SSH1: variants seen among roughly 807,000 people sequenced by gnomAD.
The protein encoded by SSH1 is slingshot protein phosphatase 1.
Under a neutral mutation model 79.7 loss-of-function variants are expected in SSH1, and 43 were observed. The ratio of observed to expected loss-of-function variants is 0.54; its 90% confidence interval spans 0.42 to 0.70. The LOEUF (loss-of-function observed/expected upper bound fraction) is 0.70, where lower values mean the gene tolerates loss of function less well. SSH1 is among the 30% of genes least tolerant of loss of function. The probability of loss-of-function intolerance (pLI) is 0.00; values close to 1 mark genes in which losing one functional copy is unlikely to be tolerated. For synonymous variants in SSH1, 599 were observed against 538.3 expected (o/e 1.11, Z -1.56); for missense variants, 1,206 against 1,358.8 (o/e 0.89, Z 1.77).
chr12:108,821,404 T>C (rs576848495), intron 3 of SSH1, among the ~76,000 whole-genome samples: 1 of 152,070 alleles, frequency 6.6e-6, no homozygotes, highest in African/African-American at 2.4e-5. Context: ...AAAAAAACTT[T>C]TCATATAATT....
intron 9 of SSH1, among the ~76,000 whole-genome samples, chr12:108,805,998 C>G (rs529781849): frequency 1.3e-5 from 2 of 152,196 alleles, no homozygotes; most frequent in East Asian, 3.9e-4. Context: ...ATCAATGCTT[C>G]TCGGTGCAGT....
chr12:108,833,382 A>G (rs1404616000), intron 2 of SSH1, among the ~76,000 whole-genome samples: 1 of 152,236 alleles, frequency 6.6e-6, no homozygotes, highest in Admixed American at 6.5e-5. Context: ...CAGCAAAGAC[A>G]GCCAAACACG....
At chr12:108,789,853 GTCTC>G (rs1035649620) in intron 14 of SSH1, among the ~76,000 whole-genome samples, 5 of 152,232 alleles carry the variant, frequency 3.3e-5, no homozygotes, top group African/African-American at 4.8e-5. Context: ...ACAGGGCTCT[GTCTC>G]TCTCTCTTTC....
rs1178182727 is a variant in SSH1, at chr12:108,786,421, A to G, written c.*1567T>C. The G allele has an allele frequency of 6.6e-6, 1 of 152,200 alleles. No individual in the cohort carries two copies. Among genetic ancestry groups the G allele is most frequent in the Non-Finnish European group, 1.5e-5 (1 of 68,086 alleles). The allele number at this position is 152,200 out of a possible 1,614,324, so 9.4% of individuals were successfully genotyped here. On this transcript the variant is annotated 3_prime_UTR_variant, in exon 15 of 15. Transcript: ENST00000326495. Reference sequence around the variant, plus strand: ...GTGTCAGAGAGGCAGAGGGCTTCACATTTACCCAGTTTCTTCCTACAGGGC... The same window carrying G: ...GTGTCAGAGAGGCAGAGGGCTTCACGTTTACCCAGTTTCTTCCTACAGGGC...
At chr12:108,821,205 G>A (rs188132885) in intron 3 of SSH1, among the ~76,000 whole-genome samples, 2 of 131,536 alleles carry the variant, frequency 1.5e-5, no homozygotes, top group East Asian at 5.4e-4. Context: ...CATAGTGAGT[G>A]AGACCTCATC....
intron 6 of SSH1, 133 bp downstream of exon 6, chr12:108,811,124 TATG>T: frequency 2.4e-6 from 2 of 830,798 alleles, no homozygotes. Context: ...TCGAGGGCAA[TATG>T]ATTTCTCCCG....
chr12:108,799,788 T>C (rs1036225538), intron 12 of SSH1, among the ~76,000 whole-genome samples: 2 of 152,134 alleles, frequency 1.3e-5, no homozygotes, highest in Admixed American at 6.5e-5. Context: ...CGTTTATTTG[T>C]AAGGAGGCAG....
At chr12:108,825,200 G>A (rs1032824853) in intron 2 of SSH1, among the ~76,000 whole-genome samples, 9 of 152,160 alleles carry the variant, frequency 5.9e-5, no homozygotes, top group African/African-American at 2.2e-4. Context: ...CTAAGAAAAA[G>A]CAGTCTTCTA....
In SSH1 at chr12:108,783,170, C is replaced by A. The variant is rs934012366; in HGVS notation, c.*4818G>T. The A allele has an allele frequency of 1.3e-5, 2 of 152,116 alleles. No individual in the cohort carries two copies. Among genetic ancestry groups the A allele is most frequent in the African/African-American group, 2.4e-5 (1 of 41,426 alleles). 9.4% of individuals were successfully genotyped at this position (152,116 alleles called of 1,614,324 possible). A position where few individuals can be genotyped will look rare whatever the true frequency, so the allele number is the denominator to read the frequency against. On this transcript the variant is annotated 3_prime_UTR_variant, in exon 15 of 15. Transcript: ENST00000326495. The stretch of plus-strand genomic sequence containing the variant: ...GCTGGCTAGCAGACCAAGCTACGTT[C>A]TTTCATTGGCTCCTATGGGACACAG...
At position 108,807,588 on chromosome 12, in the gene SSH1, T is replaced by C; in HGVS notation, c.731+45A>G. The C allele has an allele frequency of 6.3e-7, 1 of 1,577,330 alleles. No individual in the cohort carries two copies. The highest frequency in any genetic ancestry group is 8.6e-7 in the Non-Finnish European group (1 of 1,158,668). ...ACAGGGCAGGTGGGGGAGAGGCAGG[T>C]GCCTGTGGGCTTGGGTGCGCTCACA... is the stretch of plus-strand genomic sequence containing the variant. On this transcript the variant is annotated intron_variant, in intron 8 of 14. Coordinates refer to ENST00000326495, the MANE Select transcript of SSH1 (RefSeq NM_018984.4). The surrounding 1 kb of genome is among the most constrained non-coding windows in gnomAD (Gnocchi z 5.2).
intron 13 of SSH1, among the ~76,000 whole-genome samples, chr12:108,794,765 G>T (rs967240667): frequency 1.3e-5 from 2 of 151,984 alleles, no homozygotes; most frequent in Admixed American, 6.5e-5. Context: ...TTGCCCACAA[G>T]GAAATTCCTT....
intron 12 of SSH1, 47 bp downstream of exon 12, chr12:108,800,733 C>T (rs1305475020): frequency 6.2e-7 from 1 of 1,605,868 alleles, no homozygotes; most frequent in African/African-American, 1.4e-5. Context: ...CTCTCCCAGC[C>T]TCAGCAGGTT....
At chr12:108,817,437 T>C in intron 4 of SSH1, 1 of 386,468 alleles carries the variant, frequency 2.6e-6, no homozygotes, top group Non-Finnish European at 5.0e-6. Context: ...TAGCTGGGCA[T>C]GGTGGCGTGC....
intron 5 of SSH1, among the ~76,000 whole-genome samples, chr12:108,812,597 G>T (rs1424449845): frequency 6.6e-6 from 1 of 152,202 alleles, no homozygotes; most frequent in Non-Finnish European, 1.5e-5. Flanking sequence ...GAAATAAGGG[G>T]CACATAAAAC....
chr12:108,778,548 A>G lies in SSH1; in HGVS notation c.*9440T>C, dbSNP rs2036119031. On this transcript the variant is annotated 3_prime_UTR_variant, in exon 15 of 15. Transcript: ENST00000326495. ...TATCTGCGGTGAGGATTAACTTGGT[A>G]ATACATGTGAAACCCTTGCAACTAG... The G allele has an allele frequency of 6.6e-6, 1 of 152,190 alleles. No homozygotes were observed. The allele number at this position is 152,190 out of a possible 1,614,324, so 9.4% of individuals were successfully genotyped here.
intron 1 of SSH1, among the ~76,000 whole-genome samples, chr12:108,854,048 G>A (rs2039097589): frequency 6.6e-6 from 1 of 152,212 alleles, no homozygotes; most frequent in African/African-American, 2.4e-5. Context: ...GAGCAGGGAA[G>A]GCTTCAATGA....
intron 12 of SSH1, 131 bp downstream of exon 12, chr12:108,800,649 C>A: frequency 2.7e-6 from 3 of 1,104,402 alleles, no homozygotes; most frequent in Non-Finnish European, 4.0e-6. Flanking sequence ...CCAGCCAACT[C>A]CTGCGTCTGG....
At chr12:108,852,194 G>A (rs1449729925) in intron 2 of SSH1, among the ~76,000 whole-genome samples, 1 of 150,288 alleles carries the variant, frequency 6.7e-6, no homozygotes, top group Non-Finnish European at 1.5e-5. Flanking sequence ...TCAGTTTTAT[G>A]TGTTTTAGGT....
In SSH1 at chr12:108,857,564, G is replaced by GA. The variant is rs2039170765; in HGVS notation, c.-69_-68insT. 1 of 955,582 alleles carries GA rather than the reference G, an allele frequency of 1.0e-6. No homozygotes were observed. The highest frequency in any genetic ancestry group is 1.8e-5 in the African/African-American group (1 of 55,664). 59.2% of individuals were successfully genotyped at this position (955,582 alleles called of 1,614,324 possible). On this transcript the variant is annotated 5_prime_UTR_variant, in exon 1 of 15. Coordinates refer to ENST00000326495, the MANE Select transcript of SSH1 (RefSeq NM_018984.4). The surrounding 1 kb of genome is among the most constrained non-coding windows in gnomAD (Gnocchi z 4.7). Reference sequence around the variant, plus strand: ...GAGCCGCCACCGCCACCGCCGCCCGGGCCGGGCCCGGGGCCTCCTGGAGCC... The same window carrying GA: ...GAGCCGCCACCGCCACCGCCGCCCGGAGCCGGGCCCGGGGCCTCCTGGAGCC...
Sources: gnomAD v4.1 joint callset for allele counts (sites outside exome capture counted in the v4.1 genomes callset) on GRCh38, gnomAD v4.1.1 for gene constraint, Gnocchi (gnomAD v3.1) non-coding constraint, MANE v1.5 for transcripts, NCBI Gene and HGNC (gene_info 2026-07-23, HGNC 2026-07-21) for gene names.